Variants in CRABP1 observed in about 807,000 individuals in gnomAD.
CRABP1 encodes cellular retinoic acid binding protein 1, also known as cellular retinoic acid-binding protein 1.
Under a neutral mutation model 16.4 loss-of-function variants are expected in CRABP1, and 9 were observed. The ratio of observed to expected loss-of-function variants is 0.55; its 90% CI spans 0.33 to 0.96. The LOEUF is 0.96. Among genes scored for constraint, CRABP1 ranks in the 40% least tolerant of loss-of-function variants. The pLI is 0.03. For missense variants in CRABP1, 157 were observed against 186.0 expected (o/e 0.84, Z 0.91); for synonymous variants, 72 against 70.4 (o/e 1.02, Z -0.11).
At chr15:78,343,220 T>G (rs1413750398) in intron 2 of CRABP1, among the ~76,000 whole-genome samples, 1 of 152,248 alleles carries the variant, frequency 6.6e-6, no homozygotes, top group Non-Finnish European at 1.5e-5. Context: ...CCTAGAGATG[T>G]AAAGCATGCC....
chr15:78,346,326 G>A (rs1293331612), intron 3 of CRABP1, among the ~76,000 whole-genome samples: 2 of 152,198 alleles, frequency 1.3e-5, no homozygotes. Context: ...GGACAAAGGT[G>A]TCCAGGAGTG....
intron 1 of CRABP1, 69 bp from the exon 2 acceptor site, chr15:78,340,974 C>A: frequency 6.7e-7 from 1 of 1,497,860 alleles, no homozygotes; most frequent in Non-Finnish European, 9.0e-7. Flanking sequence ...AGGGTATGAC[C>A]AGTGCCCGAC....
At chr15:78,347,769 T>C in intron 3 of CRABP1, 158 bp from the exon 4 acceptor site, 1 of 672,788 alleles carries the variant, frequency 1.5e-6, no homozygotes, top group East Asian at 2.8e-5. Context: ...GGGGAAAAAA[T>C]ATCCCTTAAT....
chr15:78,344,457 A>G (rs76768060), intron 3 of CRABP1, among the ~76,000 whole-genome samples: 1 of 12,482 alleles, frequency 8.0e-5, no homozygotes, highest in East Asian at 1.5e-3. Context: ...CTCTGTCTCT[A>G]AAAAAAAAAA....
chr15:78,343,274 T>G (rs778860812), intron 2 of CRABP1, among the ~76,000 whole-genome samples: 1 of 152,182 alleles, frequency 6.6e-6, no homozygotes, highest in Non-Finnish European at 1.5e-5. Context: ...TGTGTGCTTG[T>G]GAGTGTGTGT....
Position 78,343,893 on chromosome 15 carries a change from T to C in CRABP1, c.363+281T>C, listed in dbSNP as rs2050249954. Reference sequence around the variant, plus strand: ...CTAATACATCCCAGTGGCGGTGACATGCTTTAAGCCAAGCTCCCCTCTCAT... The same window carrying C: ...CTAATACATCCCAGTGGCGGTGACACGCTTTAAGCCAAGCTCCCCTCTCAT... On this transcript the variant is annotated intron_variant, in intron 3 of 3. Coordinates refer to ENST00000299529, the MANE Select transcript of CRABP1 (RefSeq NM_004378.3). Among the ~76,000 whole-genome samples, 2 of 152,184 alleles carry C rather than the reference T, an allele frequency of 1.3e-5. 1 individual carries two copies. Among genetic ancestry groups the C allele is most frequent in the South Asian group, 4.1e-4 (2 of 4,830 alleles).
rs967983663 is a variant in CRABP1, at chr15:78,341,815, A to C, written c.249+594A>C. The C allele has an allele frequency of 4.4e-5, 7 of 160,182 alleles. No homozygotes were observed. Among genetic ancestry groups the C allele is most frequent in the Non-Finnish European group, 6.9e-5 (5 of 72,650 alleles). 9.9% of individuals were successfully genotyped at this position (160,182 alleles called of 1,614,324 possible). A position where few individuals can be genotyped will look rare whatever the true frequency, so the allele number is the denominator to read the frequency against. Reference sequence around the variant, plus strand: ...ACTAGTTGCCCTCTCTTAGTCCTCAAGGGCAAGAGTTTTTTTTTATTTCTC... The same window carrying C: ...ACTAGTTGCCCTCTCTTAGTCCTCACGGGCAAGAGTTTTTTTTTATTTCTC... On this transcript the variant is annotated intron_variant, in intron 2 of 3. Coordinates refer to ENST00000299529, the MANE Select transcript of CRABP1 (RefSeq NM_004378.3). The surrounding 1 kb of genome is among the most constrained non-coding windows in gnomAD (Gnocchi z 5.3).
chr15:78,347,541 C>A (rs192950025), intron 3 of CRABP1, among the ~76,000 whole-genome samples: 12 of 152,238 alleles, frequency 7.9e-5, no homozygotes, highest in African/African-American at 2.9e-4. Context: ...GCCTCATGAC[C>A]CCAGCTGCCT....
Position 78,348,023 on chromosome 15 carries a change from C to T in CRABP1, c.*46C>T. 1 of 1,582,808 alleles carries T rather than the reference C, an allele frequency of 6.3e-7. No individual in the cohort carries two copies. On this transcript the variant is annotated 3_prime_UTR_variant, in exon 4 of 4. Coordinates refer to ENST00000299529, the MANE Select transcript of CRABP1 (RefSeq NM_004378.3). ...CTTTCAGGAAGGGATGCAGGCTCCC[C>T]TGAGGAATATGTCATAGTTCTGAGC...
At position 78,340,482 on chromosome 15, in the gene CRABP1, G is replaced by C. The variant is rs748004759; in HGVS notation, c.54G>C (p.Glu18Asp). The C allele has an allele frequency of 5.0e-6, 8 of 1,608,564 alleles. No individual in the cohort carries two copies. The highest frequency in any genetic ancestry group is 1.9e-4 in the Middle Eastern group (1 of 5,302). The part of the protein sequence containing the change: ...WKMRSSENFD[E>D]LLKALGVNAM... ...TGCGCAGCAGCGAGAATTTCGACGA[G>C]CTGCTCAAGGCACTGGGTAAGCTGG... is the stretch of plus-strand genomic sequence containing the variant. The change falls in exon 1 of 4, where the codon GAG becomes GAC. Residue 18 changes from glutamate (E) to aspartate (D), a missense_variant. Coordinates refer to ENST00000299529, the MANE Select transcript of CRABP1 (RefSeq NM_004378.3).
At chr15:78,345,094 G>A (rs1389729824) in intron 3 of CRABP1, among the ~76,000 whole-genome samples, 1 of 152,108 alleles carries the variant, frequency 6.6e-6, no homozygotes, top group Non-Finnish European at 1.5e-5. Flanking sequence ...TTGAAATGTT[G>A]TGAATAGGAG....
chr15:78,345,919 T>C (rs929842958), intron 3 of CRABP1, among the ~76,000 whole-genome samples: 1 of 152,210 alleles, frequency 6.6e-6, no homozygotes, highest in Non-Finnish European at 1.5e-5. Context: ...GGCTATAAGT[T>C]GCCTTCCTTT....
chr15:78,341,164 C>G lies in CRABP1; in HGVS notation c.192C>G (p.Ile64Met). Reference protein sequence around the residue: ...KTSTTVRTTEINFKVGEGFEE... With the variant: ...KTSTTVRTTEMNFKVGEGFEE... ...CCACCACGGTGCGCACCACTGAGATCAACTTCAAGGTCGGAGAAGGCTTTG... is the reference window on the plus strand; with the variant it reads ...CCACCACGGTGCGCACCACTGAGATGAACTTCAAGGTCGGAGAAGGCTTTG... Residue 64 changes from isoleucine (I) to methionine (M), a missense_variant, in exon 2 of 4, where the codon ATC becomes ATG. By Grantham distance (10) the Ile-to-Met change is conservative (BLOSUM62 1). Transcript: ENST00000299529. The surrounding 1 kb of genome is among the most constrained non-coding windows in gnomAD (Gnocchi z 5.3). The G allele has an allele frequency of 1.2e-6, 2 of 1,612,936 alleles. No homozygotes were observed. Among genetic ancestry groups the G allele is most frequent in the Non-Finnish European group, 1.7e-6 (2 of 1,179,542 alleles).
rs1595954851 is a variant in CRABP1 at position 78,341,528 on chromosome 15, C to CAGCGT, written c.249+307_249+308insAGCGT. On this transcript the variant is annotated intron_variant, in intron 2 of 3. Coordinates refer to ENST00000299529, the MANE Select transcript of CRABP1 (RefSeq NM_004378.3). This position sits in a 1 kb window ranked among gnomAD's most constrained non-coding sequence, Gnocchi z 5.3. ...GTGGCTTTTGCAGCGGTTTGCAGCG[C>CAGCGT]CAAGCGCAGGCGGCGCAGGAGGAGG... 8.3e-6 allele frequency: 3 copies of CAGCGT among 360,132 alleles called. No homozygotes were observed. The highest frequency in any genetic ancestry group is 1.3e-4 in the East Asian group (2 of 15,330). 22.3% of individuals were successfully genotyped at this position (360,132 alleles called of 1,614,324 possible).
At chr15:78,342,920 A>G (rs527707515) in intron 2 of CRABP1, among the ~76,000 whole-genome samples, 3 of 152,126 alleles carry the variant, frequency 2.0e-5, no homozygotes, top group African/African-American at 4.8e-5. Flanking sequence ...CAGGAGTTCG[A>G]GACCAGCCTG....
At chr15:78,344,195 A>G (rs2050251824) in intron 3 of CRABP1, among the ~76,000 whole-genome samples, 1 of 152,138 alleles carries the variant, frequency 6.6e-6, no homozygotes, top group Non-Finnish European at 1.5e-5. Context: ...CTTTTCCTTA[A>G]AAGTATTCAG....
Position 78,348,114 on chromosome 15 carries a change from T to C in CRABP1, c.*137T>C. 1.3e-6 allele frequency: 1 copy of C among 795,884 alleles called. No homozygotes were observed. The highest frequency in any genetic ancestry group is 2.0e-6 in the Non-Finnish European group (1 of 488,918). 49.3% of individuals were successfully genotyped at this position (795,884 alleles called of 1,614,324 possible). ...TCCCGTTTTCCCCATGACAATGTTG[T>C]AGTGTCCCCCACCCCCACCCCCCAG... On this transcript the variant is annotated 3_prime_UTR_variant, in exon 4 of 4. Transcript: ENST00000299529.
At chr15:78,340,556 T>C in intron 1 of CRABP1, 58 bp downstream of exon 1, 3 of 1,567,636 alleles carry the variant, frequency 1.9e-6, no homozygotes, top group Non-Finnish European at 2.6e-6. Context: ...GGTGCCCTGG[T>C]CCCGGAAGTG....
In CRABP1 at chr15:78,341,417, A is replaced by G. The variant is rs1189376683; in HGVS notation, c.249+196A>G. On this transcript the variant is annotated intron_variant, in intron 2 of 3. Transcript: ENST00000299529. The surrounding 1 kb of genome is among the most constrained non-coding windows in gnomAD (Gnocchi z 5.3). ...CAAGACAAAGTATTACCTTCATTCC[A>G]TCTCAACCCCATCCCTACGCTGCCT... is the stretch of plus-strand genomic sequence containing the variant. 2.5e-5 allele frequency: 16 copies of G among 641,274 alleles called. No individual in the cohort carries two copies. Among genetic ancestry groups the G allele is most frequent in the Non-Finnish European group, 4.0e-5 (14 of 354,274 alleles). The allele number at this position is 641,274 out of a possible 1,614,324, so 39.7% of individuals were successfully genotyped here.
Sources: allele counts gnomAD v4.1 joint callset (sites outside exome capture counted in the v4.1 genomes callset), GRCh38; gene constraint gnomAD v4.1.1; non-coding constraint Gnocchi (gnomAD v3.1); transcripts MANE v1.5; gene names NCBI Gene and HGNC (gene_info 2026-07-23, HGNC 2026-07-21).